Variants in EFNA5 observed in about 807,000 individuals in gnomAD.
EFNA5 encodes the protein ephrin A5.
A neutral mutation model predicts 22.9 loss-of-function variants in EFNA5; 5 were observed. The observed-to-expected ratio is 0.22, with a 90% CI of 0.11 to 0.46. The LOEUF (loss-of-function observed/expected upper bound fraction) is 0.46, where lower values mean the gene tolerates loss of function less well. Ranked by LOEUF, EFNA5 falls within the 20% of genes least tolerant of loss-of-function variation. EFNA5 has a pLI of 0.99. For missense variants in EFNA5, 237 were observed against 293.3 expected, an observed-to-expected ratio of 0.81 and a Z score of 1.40; for synonymous variants, 113 against 112.2, an observed-to-expected ratio of 1.01 and a Z score of -0.04.
intron 1 of EFNA5, among the ~76,000 whole-genome samples, chr5:107,607,640 A>G (rs1580557410): frequency 6.6e-6 from 1 of 152,208 alleles, no homozygotes. Context: ...GTATCTTTTC[A>G]GCTAAAAATT....
intron 1 of EFNA5, among the ~76,000 whole-genome samples, chr5:107,595,983 AT>A (rs573806574): frequency 2.6e-5 from 4 of 152,164 alleles, no homozygotes; most frequent in Non-Finnish European, 5.9e-5. Context: ...CCAAATATTT[AT>A]TTTTTTAATT....
At chr5:107,427,083 TC>T (rs746763825) in intron 2 of EFNA5, 133 bp downstream of exon 2, 19 of 917,004 alleles carry the variant, frequency 2.1e-5, no homozygotes, top group African/African-American at 3.3e-5. Context: ...TATCTAGGGA[TC>T]CTGATGTACG....
At chr5:107,487,693 G>A (rs1425707039) in intron 1 of EFNA5, among the ~76,000 whole-genome samples, 1 of 152,188 alleles carries the variant, frequency 6.6e-6, no homozygotes, top group African/African-American at 2.4e-5. Flanking sequence ...ATTTTGTTCA[G>A]CCCTGTAGCA....
At chr5:107,569,778 G>A (rs182212181) in intron 1 of EFNA5, among the ~76,000 whole-genome samples, 239 of 147,440 alleles carry the variant, frequency 1.6e-3, no homozygotes, top group African/African-American at 5.7e-3. Flanking sequence ...CTTGAACCTG[G>A]GAGGGGGAGG....
At chr5:107,607,010 A>C (rs1015471949) in intron 1 of EFNA5, among the ~76,000 whole-genome samples, 1 of 152,204 alleles carries the variant, frequency 6.6e-6, no homozygotes, top group African/African-American at 2.4e-5. Context: ...TCTTTCTCAA[A>C]GGTACAGAGA....
At chr5:107,477,714 T>C (rs26241) in intron 1 of EFNA5, among the ~76,000 whole-genome samples, 22,137 of 152,178 alleles carry the variant, frequency 0.15, 2,707 homozygotes, top group East Asian at 0.31. Flanking sequence ...ACCTGCACTG[T>C]TTCCTTTTTA....
chr5:107,390,499 GAA>G (rs940450564), intron 2 of EFNA5, among the ~76,000 whole-genome samples: 5 of 152,040 alleles, frequency 3.3e-5, no homozygotes, highest in African/African-American at 9.7e-5. Context: ...AACTTATAAA[GAA>G]AATCTCAGGA....
intron 2 of EFNA5, among the ~76,000 whole-genome samples, chr5:107,413,515 C>T (rs1343408947): frequency 6.6e-6 from 1 of 152,114 alleles, no homozygotes; most frequent in Non-Finnish European, 1.5e-5. Flanking sequence ...TAGAATATTA[C>T]AGGAACTATT....
chr5:107,659,798 T>C (rs564737316), intron 1 of EFNA5, among the ~76,000 whole-genome samples: 1 of 152,220 alleles, frequency 6.6e-6, no homozygotes, highest in Admixed American at 6.5e-5. Context: ...GACTCACAGA[T>C]ATTGCTGGTT....
At chr5:107,500,811 T>C (rs1160918413) in intron 1 of EFNA5, among the ~76,000 whole-genome samples, 3 of 151,990 alleles carry the variant, frequency 2.0e-5, no homozygotes, top group Non-Finnish European at 4.4e-5. Context: ...GATATTTGCC[T>C]GGCCCTTAAA....
rs567653038 is a variant in EFNA5, at chr5:107,396,758, C to CT, written c.419-8988dup. ...ATTTATGTGAGGATGTGCACTGAGG[C>CT]TGAGAGAATTTAGAGAATTAGGGTG... On this transcript the variant is annotated intron_variant, in intron 2 of 4. Transcript: ENST00000333274. Among the ~76,000 whole-genome samples the CT allele has an allele frequency of 2.2e-3, 329 of 152,204 alleles. 2 individuals are homozygous for CT. Among genetic ancestry groups the CT allele is most frequent in the African/African-American group, 7.5e-3 (312 of 41,516 alleles).
chr5:107,639,451 T>G (rs1750456051), intron 1 of EFNA5, among the ~76,000 whole-genome samples: 2 of 152,240 alleles, frequency 1.3e-5, no homozygotes, highest in African/African-American at 2.4e-5. Context: ...TTGGTATCCT[T>G]AACTGCAAAA....
chr5:107,643,860 G>C (rs1482076445), intron 1 of EFNA5, among the ~76,000 whole-genome samples: 1 of 142,142 alleles, frequency 7.0e-6, no homozygotes, highest in East Asian at 2.0e-4. Context: ...CTTTATAGCT[G>C]TCTATTTTCT....
At chr5:107,459,633 TA>T (rs1437989931) in intron 1 of EFNA5, among the ~76,000 whole-genome samples, 1 of 152,040 alleles carries the variant, frequency 6.6e-6, no homozygotes, top group African/African-American at 2.4e-5. Context: ...TCTGTAAATG[TA>T]AAAAAAATTG....
At chr5:107,653,201 A>G (rs1669782756) in intron 1 of EFNA5, among the ~76,000 whole-genome samples, 2 of 152,110 alleles carry the variant, frequency 1.3e-5, no homozygotes, top group African/African-American at 4.8e-5. Context: ...TCACTGACCC[A>G]AAGGTTTCAC....
chr5:107,407,241 C>T (rs577696686), intron 2 of EFNA5, among the ~76,000 whole-genome samples: 1 of 152,068 alleles, frequency 6.6e-6, no homozygotes, highest in South Asian at 2.1e-4. Flanking sequence ...GCAGTAATGC[C>T]GAGTAGGAGC....
chr5:107,408,749 G>A (rs568667262), intron 2 of EFNA5, among the ~76,000 whole-genome samples: 1 of 152,242 alleles, frequency 6.6e-6, no homozygotes, highest in Admixed American at 6.5e-5. Flanking sequence ...TGACCCTTAT[G>A]CAAATGTTGA....
chr5:107,558,574 G>A (rs528412146), intron 1 of EFNA5, among the ~76,000 whole-genome samples: 8 of 152,154 alleles, frequency 5.3e-5, no homozygotes, highest in African/African-American at 1.9e-4. Flanking sequence ...TTTATTAGAG[G>A]TTTAGATTTG....
intron 1 of EFNA5, among the ~76,000 whole-genome samples, chr5:107,610,412 AC>A (rs1218022475): frequency 5.3e-5 from 8 of 152,252 alleles, no homozygotes; most frequent in African/African-American, 1.9e-4. Flanking sequence ...CCTAATAAGC[AC>A]ATAGCACTTC....
Sources: gnomAD v4.1 joint callset for allele counts (sites outside exome capture counted in the v4.1 genomes callset) on GRCh38, gnomAD v4.1.1 for gene constraint, MANE v1.5 for transcripts, NCBI Gene and HGNC (gene_info 2026-07-23, HGNC 2026-07-21) for gene names.